Variants in TMEFF2 observed in about 807,000 individuals in gnomAD.
TMEFF2 encodes the protein transmembrane protein with EGF like and two follistatin like domains 2.
In TMEFF2, 28 loss-of-function variants were observed where a neutral mutation model predicts 53.8. That is an observed-to-expected ratio of 0.52 (90% CI 0.39 to 0.71). The LOEUF (loss-of-function observed/expected upper bound fraction) is 0.71, where lower values mean the gene tolerates loss of function less well. Among genes scored for constraint, TMEFF2 ranks in the 30% least tolerant of loss-of-function variants. The pLI is 0.00. For missense variants in TMEFF2, 353 were observed against 455.2 expected (o/e 0.78, Z 2.04); for synonymous variants, 162 against 166.3 (o/e 0.97, Z 0.20).
intron 5 of TMEFF2, among the ~76,000 whole-genome samples, chr2:192,033,670 G>C (rs911508567): frequency 6.6e-6 from 1 of 151,870 alleles, no homozygotes; most frequent in Non-Finnish European, 1.5e-5. Context: ...ATGACCAGGA[G>C]GACTGGAGCT....
chr2:192,084,221 A>G (rs1688616007), intron 4 of TMEFF2, among the ~76,000 whole-genome samples: 1 of 152,132 alleles, frequency 6.6e-6, no homozygotes, highest in African/African-American at 2.4e-5. Flanking sequence ...TTGATTTGGA[A>G]GGCTGATTTT....
At chr2:192,162,662 G>GAT (rs1380691820) in intron 4 of TMEFF2, among the ~76,000 whole-genome samples, 2 of 152,052 alleles carry the variant, frequency 1.3e-5, no homozygotes, top group African/African-American at 4.8e-5. Context: ...TACAGTGAAG[G>GAT]ATAGCTCCTG....
At chr2:192,157,148 C>T (rs547131372) in intron 4 of TMEFF2, among the ~76,000 whole-genome samples, 11 of 152,056 alleles carry the variant, frequency 7.2e-5, no homozygotes, top group South Asian at 2.1e-4. Context: ...GACAGTTTAA[C>T]GAAAACTTTA....
At chr2:192,115,641 A>G (rs967306244) in intron 4 of TMEFF2, among the ~76,000 whole-genome samples, 2 of 152,006 alleles carry the variant, frequency 1.3e-5, no homozygotes, top group African/African-American at 4.8e-5. Flanking sequence ...AATAGCAAAA[A>G]TCAAAAACAA....
intron 4 of TMEFF2, among the ~76,000 whole-genome samples, chr2:192,059,836 A>G (rs1574336388): frequency 6.6e-6 from 1 of 152,322 alleles, no homozygotes; most frequent in East Asian, 1.9e-4. Context: ...ACCCCCATCA[A>G]TAAGTATTGT....
At chr2:192,028,870 A>G (rs1273935448) in intron 5 of TMEFF2, 1 of 152,128 alleles carries the variant, frequency 6.6e-6, no homozygotes. Context: ...AAATTATGCT[A>G]ATTATTTAAA....
At chr2:191,995,416 C>T (rs149647398) in intron 7 of TMEFF2, among the ~76,000 whole-genome samples, 310 of 151,932 alleles carry the variant, frequency 2.0e-3, no homozygotes, top group African/African-American at 6.9e-3. Flanking sequence ...TGGGAGAGTC[C>T]GTGAATGTGT....
rs1165058155 is a variant in TMEFF2, at chr2:191,956,504, C to G, written c.746-126G>C. The G allele has an allele frequency of 2.7e-6, 3 of 1,091,634 alleles. No homozygotes were observed. The East Asian group carries it at 7.8e-5, about 28-fold the overall frequency. The allele number at this position is 1,091,634 out of a possible 1,614,324, so 67.6% of individuals were successfully genotyped here. A position where few individuals can be genotyped will look rare whatever the true frequency, so the allele number is the denominator to read the frequency against. ...AAAGGGCAAGAACTAAAGGGCTATG[C>G]TTCAGAAATAAGAGGAAGAAAGAAC... On this transcript the variant is annotated intron_variant, in intron 7 of 9. Transcript: ENST00000272771.
intron 4 of TMEFF2, among the ~76,000 whole-genome samples, chr2:192,116,743 A>G (rs1689422584): frequency 6.6e-6 from 1 of 152,052 alleles, no homozygotes; most frequent in African/African-American, 2.4e-5. Context: ...GAGATGTGAG[A>G]CCTATGTATT....
At chr2:191,964,157 C>T (rs997949043) in intron 7 of TMEFF2, among the ~76,000 whole-genome samples, 4 of 152,034 alleles carry the variant, frequency 2.6e-5, no homozygotes, top group African/African-American at 9.7e-5. Flanking sequence ...TTTATCCCAC[C>T]TAGATTCTAT....
chr2:192,115,645 AAAAC>A (rs1417270116), intron 4 of TMEFF2, among the ~76,000 whole-genome samples: 2 of 152,006 alleles, frequency 1.3e-5, no homozygotes, highest in Non-Finnish European at 2.9e-5. Context: ...GCAAAAATCA[AAAAC>A]AAACCCCCCA....
chr2:192,190,166 T>C (rs1288531818), intron 2 of TMEFF2, among the ~76,000 whole-genome samples: 3 of 152,164 alleles, frequency 2.0e-5, no homozygotes, highest in African/African-American at 7.2e-5. Flanking sequence ...AAATTATTTA[T>C]TTTCATTTCG....
intron 7 of TMEFF2, among the ~76,000 whole-genome samples, chr2:191,984,577 ATT>A (rs2105818794): frequency 6.6e-6 from 1 of 152,324 alleles, no homozygotes; most frequent in Admixed American, 6.5e-5. Flanking sequence ...TTTAATGGGC[ATT>A]ACTATTACAT....
chr2:191,967,037 A>G (rs535300936), intron 7 of TMEFF2, among the ~76,000 whole-genome samples: 2 of 133,286 alleles, frequency 1.5e-5, no homozygotes, highest in East Asian at 2.1e-4. Flanking sequence ...AACTTCTGAG[A>G]AAAAAAAAAA....
intron 4 of TMEFF2, among the ~76,000 whole-genome samples, chr2:192,149,322 G>A (rs1690328694): frequency 6.6e-6 from 1 of 151,952 alleles, no homozygotes; most frequent in Admixed American, 6.6e-5. Context: ...CAAAAAGCAA[G>A]CAGTGCTCTT....
At chr2:192,011,638 A>G (rs552132298) in intron 5 of TMEFF2, among the ~76,000 whole-genome samples, 25 of 152,198 alleles carry the variant, frequency 1.6e-4, no homozygotes, top group Non-Finnish European at 2.9e-4. Flanking sequence ...AATTACTTCT[A>G]AGAGGAAATA....
chr2:192,150,663 A>G (rs566096863), intron 4 of TMEFF2, among the ~76,000 whole-genome samples: 2 of 148,026 alleles, frequency 1.4e-5, no homozygotes, highest in Non-Finnish European at 3.0e-5. Context: ...TCCAAAGCAC[A>G]TACTCCTAGG....
rs557568879 is a variant in TMEFF2, at chr2:192,135,848, T to C, written c.439+43820A>G. On this transcript the variant is annotated intron_variant, in intron 4 of 9. Coordinates refer to ENST00000272771, the MANE Select transcript of TMEFF2 (RefSeq NM_016192.4). ...TTGTTCCTGCCCCACCTTAACTGAG[T>C]GATTAACCCTGTGAATTTCCTTCTC... Among the ~76,000 whole-genome samples the C allele has an allele frequency of 7.4e-3, 1,121 of 151,696 alleles. 6 individuals carry two copies. The highest frequency in any genetic ancestry group is 0.013 in the Non-Finnish European group (899 of 67,924).
intron 7 of TMEFF2, among the ~76,000 whole-genome samples, chr2:191,991,358 G>A (rs1052282363): frequency 1.3e-5 from 2 of 152,020 alleles, no homozygotes; most frequent in Admixed American, 6.6e-5. Context: ...TCCATAAAAT[G>A]TGCTCTATTT....
Sources: allele counts gnomAD v4.1 joint callset (sites outside exome capture counted in the v4.1 genomes callset), GRCh38; gene constraint gnomAD v4.1.1; transcripts MANE v1.5; gene names NCBI Gene and HGNC (gene_info 2026-07-23, HGNC 2026-07-21).